The following UNC50 variants were observed in gnomAD, a reference collection of about 807,000 sequenced individuals.
UNC50 encodes the protein protein unc-50 homolog.
In UNC50, 24 loss-of-function variants were observed where a neutral mutation model predicts 31.5. That is an observed-to-expected ratio of 0.76 (90% CI 0.55 to 1.07). The LOEUF (loss-of-function observed/expected upper bound fraction) is 1.07, where lower values mean the gene tolerates loss of function less well. Among genes scored for constraint, UNC50 ranks in the 50% least tolerant of loss-of-function variants. The pLI is 0.00. For synonymous variants in UNC50, 118 were observed against 114.7 expected, an observed-to-expected ratio of 1.03 and a Z score of -0.18; for missense variants, 245 against 304.2, an observed-to-expected ratio of 0.81 and a Z score of 1.45.
At chr2:98,612,433 G>A (rs1435561428) in intron 3 of UNC50, among the ~76,000 whole-genome samples, 7 of 148,070 alleles carry the variant, frequency 4.7e-5, no homozygotes, top group South Asian at 2.1e-4. Context: ...TCTTTGAGAC[G>A]AAGTCCCACT....
At chr2:98,610,930 T>C (rs1229195534) in intron 3 of UNC50, 35 bp downstream of exon 3, 1 of 1,596,114 alleles carries the variant, frequency 6.3e-7, no homozygotes, top group Non-Finnish European at 8.5e-7. Flanking sequence ...CAGATACTGC[T>C]GTAGCATCTC....
intron 1 of UNC50, 137 bp downstream of exon 1, chr2:98,608,863 G>C (rs974373186): frequency 7.8e-6 from 2 of 255,342 alleles, no homozygotes; most frequent in Non-Finnish European, 1.5e-5. Context: ...GCCGGCGATA[G>C]AGTTGCGGCT....
chr2:98,611,901 T>TA (rs1026648407), intron 3 of UNC50, among the ~76,000 whole-genome samples: 49 of 148,236 alleles, frequency 3.3e-4, no homozygotes, highest in African/African-American at 1.2e-3. Flanking sequence ...ATTTTTTTTT[T>TA]AAACTTCTCA....
At chr2:98,612,139 A>T (rs999505750) in intron 3 of UNC50, among the ~76,000 whole-genome samples, 8 of 152,172 alleles carry the variant, frequency 5.3e-5, no homozygotes, top group Non-Finnish European at 1.2e-4. Context: ...GTGGCTAGCG[A>T]TCTCAGTAGA....
At chr2:98,618,107 C>CATT (rs765870029) in intron 5 of UNC50, 61 bp from the exon 6 acceptor site, 3 of 1,431,658 alleles carry the variant, frequency 2.1e-6, no homozygotes, top group African/African-American at 3.0e-5. Context: ...TCAAAATGTT[C>CATT]ATTTATTAGT....
At chr2:98,616,835 G>C (rs535750900) in intron 5 of UNC50, among the ~76,000 whole-genome samples, 1 of 152,206 alleles carries the variant, frequency 6.6e-6, no homozygotes, top group African/African-American at 2.4e-5. Flanking sequence ...GTTATCTCCA[G>C]ATGACTTGCA....
intron 3 of UNC50, among the ~76,000 whole-genome samples, chr2:98,615,391 C>A (rs1252822493): frequency 1.3e-5 from 2 of 152,148 alleles, no homozygotes; most frequent in Non-Finnish European, 2.9e-5. Context: ...TTCAAACTTC[C>A]GCACACTCCT....
intron 5 of UNC50, among the ~76,000 whole-genome samples, chr2:98,617,843 A>T (rs1156806031): frequency 6.6e-6 from 1 of 152,128 alleles, no homozygotes; most frequent in Non-Finnish European, 1.5e-5. Flanking sequence ...CACAAGTTTA[A>T]ATTCACCACT....
rs367728351 is a variant in UNC50, at chr2:98,609,930, C to T, written c.171C>T (p.Phe57=). 3.1e-6 allele frequency: 5 copies of T among 1,614,036 alleles called. No individual in the cohort carries two copies. In the African/African-American group the frequency reaches 5.3e-5, roughly 17 times the overall value. Residue 57 remains phenylalanine (F), a synonymous_variant, in exon 2 of 6, where the codon TTC becomes TTT. Transcript: ENST00000357765. The stretch of plus-strand genomic sequence containing the variant: ...CTGCCTGGCAGATGCTCTACCTGTT[C>T]ACATCCCCACAGAGAGTTTACAGAA... ...EFAAWQMLYL[F]TSPQRVYRNF... is the part of the protein sequence containing the mutation.
rs147360441 is a variant in UNC50, at chr2:98,608,625, C to A, written c.-106C>A. The A allele has an allele frequency of 4.8e-4, 280 of 586,872 alleles. 1 individual carries two copies. The African/African-American group carries it at 4.8e-3, about 10-fold the overall frequency. 36.4% of individuals were successfully genotyped at this position (586,872 alleles called of 1,614,324 possible). A position where few individuals can be genotyped will look rare whatever the true frequency, so the allele number is the denominator to read the frequency against. On this transcript the variant is annotated 5_prime_UTR_variant, in exon 1 of 6. Transcript: ENST00000357765. ...CGCGGCGCGCCCCAAGGGCCGGCTC[C>A]GTTGAGGGAAGGGAAGCCCGCCCGG... is the stretch of plus-strand genomic sequence containing the variant.
chr2:98,616,975 C>A (rs1386453413), intron 5 of UNC50, among the ~76,000 whole-genome samples: 1 of 152,124 alleles, frequency 6.6e-6, no homozygotes, highest in African/African-American at 2.4e-5. Context: ...TTCTCTAAAG[C>A]CTTTTGAATC....
rs949865489 is a variant in UNC50, at chr2:98,609,584, G to T, written c.-4-172G>T. 3.0e-6 allele frequency: 3 copies of T among 1,004,046 alleles called. No homozygotes were observed. In the Admixed American group the frequency reaches 6.7e-5, roughly 23 times the overall value. The allele number at this position is 1,004,046 out of a possible 1,614,324, so 62.2% of individuals were successfully genotyped here. A position where few individuals can be genotyped will look rare whatever the true frequency, so the allele number is the denominator to read the frequency against. ...TGAGGTTGCAGTCTGCGGTTCCCAA[G>T]CCCCAAGACCCGCCTCAGAACTAAC... On this transcript the variant is annotated intron_variant, in intron 1 of 5. Transcript: ENST00000357765.
In UNC50 at chr2:98,618,017, G is replaced by C; in HGVS notation, c.644-151G>C. 4.8e-6 allele frequency: 4 copies of C among 840,404 alleles called. No homozygotes were observed. In the South Asian group the frequency reaches 8.1e-5, roughly 17 times the overall value. 52.1% of individuals were successfully genotyped at this position (840,404 alleles called of 1,614,324 possible). A position where few individuals can be genotyped will look rare whatever the true frequency, so the allele number is the denominator to read the frequency against. On this transcript the variant is annotated intron_variant, in intron 5 of 5. Transcript: ENST00000357765. Reference sequence around the variant, plus strand: ...CAGAGGGGTTGGGAAGAGTAGTCTAGTTCTGGGCATAAATAGCATCATCTT... The same window carrying C: ...CAGAGGGGTTGGGAAGAGTAGTCTACTTCTGGGCATAAATAGCATCATCTT...
chr2:98,609,902 T>A lies in UNC50; in HGVS notation c.143T>A (p.Phe48Tyr), dbSNP rs754010802. 2.5e-6 allele frequency: 4 copies of A among 1,614,172 alleles called. No individual in the cohort carries two copies. In the South Asian group the frequency reaches 3.3e-5, roughly 13 times the overall value. Residue 48 changes from phenylalanine (F) to tyrosine (Y), a missense_variant, in exon 2 of 6, where the codon TTT becomes TAT. Phe to Tyr is a conservative substitution (Grantham distance 22). Coordinates refer to ENST00000357765, the MANE Select transcript of UNC50 (RefSeq NM_014044.7). ...CGCTTTCGGCAAATGGACTTTGAAT[T>A]TGCTGCCTGGCAGATGCTCTACCTG... Reference protein sequence around the residue: ...LFRFRQMDFEFAAWQMLYLFT... With the variant: ...LFRFRQMDFEYAAWQMLYLFT...
intron 3 of UNC50, among the ~76,000 whole-genome samples, chr2:98,614,810 T>TA (rs1421882327): frequency 2.6e-5 from 4 of 152,206 alleles, no homozygotes; most frequent in Admixed American, 1.3e-4. Context: ...TGTTCAGTAT[T>TA]GTTTTGGCAT....
At chr2:98,615,469 T>C (rs1700905380) in intron 3 of UNC50, among the ~76,000 whole-genome samples, 1 of 152,224 alleles carries the variant, frequency 6.6e-6, no homozygotes, top group African/African-American at 2.4e-5. Flanking sequence ...ATCTTCCATT[T>C]GTTCAAGGCA....
rs755100861 is a variant in UNC50 at position 98,610,072 on chromosome 2, C to T, written c.280+33C>T. On this transcript the variant is annotated intron_variant, in intron 2 of 5. Transcript: ENST00000357765. ...TGTTTATCTGAGATAGAATTGAACG[C>T]TGAGTGTTTCTGATTAGATTTTTTG... is the stretch of plus-strand genomic sequence containing the variant. 4 of 1,561,566 alleles carry T rather than the reference C, an allele frequency of 2.6e-6. No individual in the cohort carries two copies. In the South Asian group the frequency reaches 4.6e-5, roughly 18 times the overall value.
At chr2:98,612,864 C>T (rs953979361) in intron 3 of UNC50, among the ~76,000 whole-genome samples, 4 of 152,160 alleles carry the variant, frequency 2.6e-5, no homozygotes, top group Non-Finnish European at 5.9e-5. Context: ...TTTAAGTGTA[C>T]AATAGCACTA....
At chr2:98,617,290 A>G (rs1575232508) in intron 5 of UNC50, among the ~76,000 whole-genome samples, 1 of 152,152 alleles carries the variant, frequency 6.6e-6, no homozygotes, top group Non-Finnish European at 1.5e-5. Flanking sequence ...GGCTCTGACT[A>G]TGCCTGGCTC....
Sources: gnomAD v4.1 joint callset for allele counts (sites outside exome capture counted in the v4.1 genomes callset) on GRCh38, gnomAD v4.1.1 for gene constraint, MANE v1.5 for transcripts, NCBI Gene and HGNC (gene_info 2026-07-23, HGNC 2026-07-21) for gene names.